Variants in STK25 observed in about 807,000 individuals in gnomAD.
STK25 encodes the protein serine/threonine kinase 25, also known as serine/threonine-protein kinase 25.
Under a neutral mutation model 53.8 loss-of-function variants are expected in STK25, and 29 were observed. The observed-to-expected ratio is 0.54, with a 90% CI of 0.40 to 0.74. STK25 has a LOEUF of 0.74. Ranked by LOEUF, STK25 falls within the 30% of genes least tolerant of loss-of-function variation. The pLI, the probability that STK25 is intolerant of heterozygous loss-of-function variation, is 0.00. For missense variants in STK25, 420 were observed against 568.0 expected (o/e 0.74, Z 2.65); for synonymous variants, 247 against 238.3 (o/e 1.04, Z -0.33).
chr2:241,500,686 G>A, intron 4 of STK25, 54 bp downstream of exon 4: 2 of 1,574,010 alleles, frequency 1.3e-6, no homozygotes, highest in Non-Finnish European at 1.7e-6. Flanking sequence ...TGAGTCTGAG[G>A]GGCAGGGGAC....
At position 241,492,854 on chromosome 2, in the gene STK25, C is replaced by G. The variant is rs547025119; in HGVS notation, c.*2808G>C. On this transcript the variant is annotated 3_prime_UTR_variant, in exon 12 of 12. Coordinates refer to ENST00000316586, the MANE Select transcript of STK25 (RefSeq NM_001271977.2). ...TGGAGAAAGCATGCAGAGGCTTAGT[C>G]TTGGGGAGCAAACCCACTCCCACAA... 1 of 835,294 alleles carries G rather than the reference C, an allele frequency of 1.2e-6. No homozygotes were observed. The highest frequency in any genetic ancestry group is 1.7e-5 in the African/African-American group (1 of 59,776). 51.7% of individuals were successfully genotyped at this position (835,294 alleles called of 1,614,324 possible). A position where few individuals can be genotyped will look rare whatever the true frequency, so the allele number is the denominator to read the frequency against.
chr2:241,506,490 G>A (rs191215423), intron 2 of STK25, among the ~76,000 whole-genome samples: 17 of 152,326 alleles, frequency 1.1e-4, no homozygotes, highest in African/African-American at 3.1e-4. Flanking sequence ...ACTGGTGGCC[G>A]AGCGCGGTGG....
intron 5 of STK25, 98 bp from the exon 6 acceptor site, chr2:241,499,512 A>C (rs1017351449): frequency 1.4e-5 from 20 of 1,433,686 alleles, no homozygotes; most frequent in Non-Finnish European, 1.8e-5. Context: ...CTGGCCTCCT[A>C]GGGCACAGCA....
chr2:241,499,822 G>A (rs925641077), intron 5 of STK25: 20 of 455,560 alleles, frequency 4.4e-5, no homozygotes, highest in African/African-American at 3.0e-4. Context: ...CTCCCCATGG[G>A]CTGGCCCAGC....
At position 241,501,836 on chromosome 2, in the gene STK25, A is replaced by G; in HGVS notation, c.31-128T>C. ...GGGGAGTCCAAGGGAGCGCACCTCA[A>G]TTCTTCTCTGGTTTCTTCCTTTCTC... On this transcript the variant is annotated intron_variant, in intron 2 of 11. Transcript: ENST00000316586. The surrounding 1 kb of genome is among the most constrained non-coding windows in gnomAD (Gnocchi z 5.3). The G allele has an allele frequency of 1.5e-6, 1 of 649,850 alleles. No individual in the cohort carries two copies. The highest frequency in any genetic ancestry group is 2.7e-5 in the East Asian group (1 of 36,758). 40.3% of individuals were successfully genotyped at this position (649,850 alleles called of 1,614,324 possible). A position where few individuals can be genotyped will look rare whatever the true frequency, so the allele number is the denominator to read the frequency against.
chr2:241,504,169 G>GC (rs1335775806), intron 2 of STK25: 1 of 468,618 alleles, frequency 2.1e-6, no homozygotes, highest in Non-Finnish European at 4.4e-6. Flanking sequence ...GCTTGTCAAG[G>GC]CCCGGGGGTG....
chr2:241,508,616 T>A (rs539350255), upstream of STK25: 4 of 986,586 alleles, frequency 4.1e-6, no homozygotes, highest in Non-Finnish European at 4.8e-6. Context: ...GTGCTCGGCG[T>A]CGCGGCCCGC....
rs781508815 is a variant in STK25 at position 241,500,090 on chromosome 2, C to T, written c.427+83G>A. On this transcript the variant is annotated intron_variant, in intron 5 of 11. Transcript: ENST00000316586. ...ACTCCAGACCCTGGGCACCACTAGC[C>T]ACTTGCCCCTCACAGGCCCCGGCCT... 8 of 1,189,374 alleles carry T rather than the reference C, an allele frequency of 6.7e-6. No individual in the cohort carries two copies. The Admixed American group carries it at 1.4e-4, about 21-fold the overall frequency. 73.7% of individuals were successfully genotyped at this position (1,189,374 alleles called of 1,614,324 possible).
chr2:241,494,144 T>C lies in STK25; in HGVS notation c.*1518A>G. ...GGAATGACGCTCAACCTGCCCAGGTTTGGACACAACTACAAAGAACAGCAG... is the reference window on the plus strand; with the variant it reads ...GGAATGACGCTCAACCTGCCCAGGTCTGGACACAACTACAAAGAACAGCAG... On this transcript the variant is annotated 3_prime_UTR_variant, in exon 12 of 12. Transcript: ENST00000316586. The surrounding 1 kb of genome is among the most constrained non-coding windows in gnomAD (Gnocchi z 4.9). The C allele has an allele frequency of 1.4e-6, 2 of 1,418,016 alleles. No homozygotes were observed. Among genetic ancestry groups the C allele is most frequent in the Non-Finnish European group, 1.9e-6 (2 of 1,067,616 alleles). 87.8% of individuals were successfully genotyped at this position (1,418,016 alleles called of 1,614,324 possible). A position where few individuals can be genotyped will look rare whatever the true frequency, so the allele number is the denominator to read the frequency against.
chr2:241,496,376 C>T lies in STK25; in HGVS notation c.1241+22G>A, dbSNP rs375334022. 2.3e-5 allele frequency: 37 copies of T among 1,606,452 alleles called. No individual in the cohort carries two copies. Among genetic ancestry groups the T allele is most frequent in the Non-Finnish European group, 3.1e-5 (36 of 1,175,336 alleles). On this transcript the variant is annotated intron_variant, in intron 11 of 11. Transcript: ENST00000316586. The surrounding 1 kb of genome is among the most constrained non-coding windows in gnomAD (Gnocchi z 5.8). ...TCTTGGTGGGGGTGCTCTCCCCGAC[C>T]CTATGGCACGGCCGCCCTCACCTCT...
chr2:241,496,407 C>G lies in STK25; in HGVS notation c.1232G>C (p.Arg411Pro). The G allele has an allele frequency of 6.2e-7, 1 of 1,613,342 alleles. No homozygotes were observed. Among genetic ancestry groups the G allele is most frequent in the Non-Finnish European group, 8.5e-7 (1 of 1,179,864 alleles). ...SDKLMVHLVE[R>P]VQRFSHNRNH... ...GCACGGCCGCCCTCACCTCTGCACT[C>G]GCTCCACCAGGTGCACCATCAGCTT... Residue 411 changes from arginine to proline, a missense_variant, in exon 11 of 12, where the codon CGA (arginine) becomes CCA (proline). Physicochemically the swap from Arg to Pro is moderately radical, Grantham distance 103. Coordinates refer to ENST00000316586, the MANE Select transcript of STK25 (RefSeq NM_001271977.2). The surrounding 1 kb of genome is among the most constrained non-coding windows in gnomAD (Gnocchi z 5.8).
In STK25 at chr2:241,497,477, A is replaced by G. The variant is rs182620442; in HGVS notation, c.1104+139T>C. ...GCAGATTCTGCTCCTTCCACTCAGA[A>G]AACCCAGCCCACAATCAGCTGCAGG... On this transcript the variant is annotated intron_variant, in intron 10 of 11. Transcript: ENST00000316586. The G allele has an allele frequency of 3.3e-4, 278 of 854,584 alleles. 1 individual carries two copies. The highest frequency in any genetic ancestry group is 1.8e-3 in the Middle Eastern group (8 of 4,402). 52.9% of individuals were successfully genotyped at this position (854,584 alleles called of 1,614,324 possible).
intron 4 of STK25, among the ~76,000 whole-genome samples, chr2:241,500,535 C>T (rs905234436): frequency 6.6e-6 from 1 of 152,164 alleles, no homozygotes; most frequent in Admixed American, 6.5e-5. Flanking sequence ...CAGGCCTGCC[C>T]CCGCCCACTC....
At chr2:241,504,244 A>G (rs896057584) in intron 2 of STK25, 2 of 403,442 alleles carry the variant, frequency 5.0e-6, no homozygotes, top group South Asian at 3.8e-5. Context: ...ACCCTTGCTT[A>G]GCCCAAAGGT....
intron 2 of STK25, among the ~76,000 whole-genome samples, chr2:241,507,050 C>A (rs982227806): frequency 6.6e-6 from 1 of 152,154 alleles, no homozygotes; most frequent in Non-Finnish European, 1.5e-5. Flanking sequence ...CTTCCTGTTC[C>A]ACTGCAGGCC....
chr2:241,498,470 G>T, intron 8 of STK25, 121 bp from the exon 9 acceptor site: 1 of 1,251,272 alleles, frequency 8.0e-7, no homozygotes, highest in Non-Finnish European at 1.1e-6. Context: ...GCCAGGCCAC[G>T]GGGTCCAGCT....
At chr2:241,504,335 A>G (rs548901254) in intron 2 of STK25, among the ~76,000 whole-genome samples, 1 of 152,284 alleles carries the variant, frequency 6.6e-6, no homozygotes, top group East Asian at 1.9e-4. Context: ...TCCTAAAGCC[A>G]GTACCCATGG....
Position 241,493,222 on chromosome 2 carries a change from G to C in STK25, c.*2440C>G. ...CATTTGTACGTGCCACCGTTGTGCA[G>C]GTAGCAGAGGAATGGGCATTCCCTG... On this transcript the variant is annotated 3_prime_UTR_variant, in exon 12 of 12. Transcript: ENST00000316586. 2.0e-6 allele frequency: 3 copies of C among 1,532,438 alleles called. No individual in the cohort carries two copies. The highest frequency in any genetic ancestry group is 2.7e-6 in the Non-Finnish European group (3 of 1,112,604). The allele number at this position is 1,532,438 out of a possible 1,614,324, so 94.9% of individuals were successfully genotyped here.
Position 241,499,093 on chromosome 2 carries a change from C to T in STK25, c.667G>A (p.Val223Ile), listed in dbSNP as rs1488055406. 1 of 1,614,120 alleles carries T rather than the reference C, an allele frequency of 6.2e-7. No homozygotes were observed. Among genetic ancestry groups the T allele is most frequent in the East Asian group, 2.2e-5 (1 of 44,870 alleles). The part of the protein sequence containing the change: ...PPNSDLHPMR[V>I]LFLIPKNSPP... ...CTGTTCTTGGGAATCAGGAACAGGA[C>T]GCGCATGGGGTGGAGGTCAGAGTTT... Residue 223 changes from valine (V) to isoleucine (I), a missense_variant, in exon 7 of 12, where the codon GTC becomes ATC. By Grantham distance (29) the Val-to-Ile change is conservative. Transcript: ENST00000316586.
Sources: gnomAD v4.1 joint callset for allele counts (sites outside exome capture counted in the v4.1 genomes callset) on GRCh38, gnomAD v4.1.1 for gene constraint, Gnocchi (gnomAD v3.1) non-coding constraint, MANE v1.5 for transcripts, NCBI Gene and HGNC (gene_info 2026-07-23, HGNC 2026-07-21) for gene names.